Variants in TECPR1 observed in about 807,000 individuals in gnomAD.
The protein encoded by TECPR1 is tectonin beta-propeller repeat-containing protein 1.
TECPR1 carries 122 observed loss-of-function variants against 162.4 expected under a neutral mutation model. The ratio of observed to expected loss-of-function variants is 0.75; its 90% CI spans 0.65 to 0.87. The LOEUF is 0.87. TECPR1 is among the 40% of genes least tolerant of loss of function. The probability of loss-of-function intolerance (pLI) is 0.00; values close to 1 mark genes in which losing one functional copy is unlikely to be tolerated. For missense variants in TECPR1, 1,432 were observed against 1,618.2 expected, an observed-to-expected ratio of 0.88 and a Z score of 1.97; for synonymous variants, 642 against 670.6, an observed-to-expected ratio of 0.96 and a Z score of 0.66.
chr7:98,220,590 G>A (rs1028583864), intron 23 of TECPR1, among the ~76,000 whole-genome samples: 4 of 148,796 alleles, frequency 2.7e-5, no homozygotes, highest in Admixed American at 6.8e-5. Flanking sequence ...ACGGAGTCTC[G>A]CTCTGTCACC....
Position 98,238,605 on chromosome 7 carries a change from C to A in TECPR1, c.939G>T (p.Trp313Cys), listed in dbSNP as rs1798660240. The change falls in exon 9 of 26, where the codon TGG (tryptophan) becomes TGT (cysteine). Residue 313 changes from tryptophan (W) to cysteine (C), a missense_variant. Physicochemically the swap from Trp to Cys is radical, Grantham distance 215. Coordinates refer to ENST00000447648, the MANE Select transcript of TECPR1 (RefSeq NM_015395.3). ...VWAVTKDWKV[W>C]FRRGVNSHNP... ...TGTGAGAGTTGACGCCTCTTCGGAACCACACCTGGGGGAGTCAGAAATAAA... is the reference window on the plus strand; with the variant it reads ...TGTGAGAGTTGACGCCTCTTCGGAAACACACCTGGGGGAGTCAGAAATAAA... The A allele has an allele frequency of 6.4e-7, 1 of 1,564,212 alleles. No individual in the cohort carries two copies. The highest frequency in any genetic ancestry group is 8.7e-7 in the Non-Finnish European group (1 of 1,154,280).
intron 23 of TECPR1, 62 bp from the exon 24 acceptor site, chr7:98,218,104 G>A (rs1798060941): frequency 3.6e-6 from 5 of 1,396,538 alleles, no homozygotes; most frequent in South Asian, 2.6e-5. Context: ...TGCCCGTGCG[G>A]CCCGGCAGCC....
In TECPR1 at chr7:98,232,035, C is replaced by A; in HGVS notation, c.1819-76G>T. On this transcript the variant is annotated intron_variant, in intron 12 of 25. Coordinates refer to ENST00000447648, the MANE Select transcript of TECPR1 (RefSeq NM_015395.3). This position sits in a 1 kb window ranked among gnomAD's most constrained non-coding sequence, Gnocchi z 4.6. ...GGGGAGGAGGGCGGGGCTGGGGGTG[C>A]CCAGAGGAGGAGGCAGGGCTGGGGT... is the stretch of plus-strand genomic sequence containing the variant. 6.7e-7 allele frequency: 1 copy of A among 1,492,228 alleles called. No homozygotes were observed. Among genetic ancestry groups the A allele is most frequent in the Non-Finnish European group, 9.0e-7 (1 of 1,111,912 alleles). 92.4% of individuals were successfully genotyped at this position (1,492,228 alleles called of 1,614,324 possible). A position where few individuals can be genotyped will look rare whatever the true frequency, so the allele number is the denominator to read the frequency against.
chr7:98,242,691 C>CCACT (rs1798783543), intron 6 of TECPR1, among the ~76,000 whole-genome samples: 1 of 140,264 alleles, frequency 7.1e-6, no homozygotes. Flanking sequence ...ACCCACTCAC[C>CCACT]CACTCACCCA....
At chr7:98,220,561 T>C (rs1584321074) in intron 23 of TECPR1, among the ~76,000 whole-genome samples, 1 of 136,990 alleles carries the variant, frequency 7.3e-6, no homozygotes. Flanking sequence ...CTACCACATC[T>C]GGCTTTTTTT....
chr7:98,230,212 C>T (rs1798389509), intron 15 of TECPR1, among the ~76,000 whole-genome samples: 1 of 151,684 alleles, frequency 6.6e-6, no homozygotes, highest in East Asian at 1.9e-4. Context: ...AGCTATGTTG[C>T]CCAGGCTGGT....
intron 17 of TECPR1, 93 bp downstream of exon 17, chr7:98,227,921 G>A: frequency 2.0e-6 from 2 of 978,652 alleles, no homozygotes; most frequent in Non-Finnish European, 3.2e-6. Context: ...GGCTCTACTG[G>A]ACTCCACGCT....
chr7:98,225,212 C>G, intron 17 of TECPR1, 110 bp from the exon 18 acceptor site: 1 of 995,360 alleles, frequency 1.0e-6, no homozygotes, highest in Non-Finnish European at 1.5e-6. Flanking sequence ...GTCTCAGAGC[C>G]AGCCACCTCC....
chr7:98,224,923 G>A (rs1211628397), intron 18 of TECPR1, 43 bp from the exon 19 acceptor site: 1 of 1,549,916 alleles, frequency 6.5e-7, no homozygotes, highest in South Asian at 1.2e-5. Flanking sequence ...CCCGAATCCA[G>A]AAGGCAGTCA....
chr7:98,231,653 C>A, intron 13 of TECPR1, 151 bp downstream of exon 13: 1 of 1,016,624 alleles, frequency 9.8e-7, no homozygotes. Flanking sequence ...TTTCTGTACC[C>A]CTCCCCTGGG....
chr7:98,222,945 CA>C, intron 21 of TECPR1, 44 bp downstream of exon 21: 9 of 1,601,132 alleles, frequency 5.6e-6, no homozygotes, highest in Non-Finnish European at 7.7e-6. Flanking sequence ...GACTCCAGAG[CA>C]AAGGTCTCAT....
At chr7:98,231,583 T>G in intron 13 of TECPR1, 1 of 410,274 alleles carries the variant, frequency 2.4e-6, no homozygotes, top group Middle Eastern at 8.8e-4. Flanking sequence ...GCACCCCCAT[T>G]TCTGTACTCC....
At chr7:98,234,148 T>A (rs955666755) in intron 10 of TECPR1, among the ~76,000 whole-genome samples, 1 of 152,234 alleles carries the variant, frequency 6.6e-6, no homozygotes, top group African/African-American at 2.4e-5. Flanking sequence ...AGTGAAGATC[T>A]AGAATTAGTA....
intron 6 of TECPR1, among the ~76,000 whole-genome samples, chr7:98,242,028 T>C (rs1000189366): frequency 2.0e-5 from 3 of 152,194 alleles, no homozygotes; most frequent in Non-Finnish European, 2.9e-5. Flanking sequence ...TGCATCCAGA[T>C]GGCCATGGCC....
chr7:98,240,189 A>G (rs145647271), intron 8 of TECPR1, among the ~76,000 whole-genome samples: 1 of 152,256 alleles, frequency 6.6e-6, no homozygotes, highest in African/African-American at 2.4e-5. Context: ...ATAAGATGCA[A>G]AAGACAAGCA....
At chr7:98,235,397 T>C (rs578057532) in intron 10 of TECPR1, among the ~76,000 whole-genome samples, 4 of 150,110 alleles carry the variant, frequency 2.7e-5, no homozygotes, top group Non-Finnish European at 4.4e-5. Flanking sequence ...TGGTGGCGGG[T>C]GCCTGTAGTC....
At chr7:98,218,142 C>T (rs911136083) in intron 23 of TECPR1, 100 bp from the exon 24 acceptor site, 9 of 979,784 alleles carry the variant, frequency 9.2e-6, no homozygotes, top group Admixed American at 2.3e-5. Context: ...CTAACCACTT[C>T]GGGGTTTGGG....
chr7:98,234,003 C>T lies in TECPR1; in HGVS notation c.1182-92G>A, dbSNP rs550874234. On this transcript the variant is annotated intron_variant, in intron 10 of 25. Transcript: ENST00000447648. ...GCTCCAGCGTGCTCCACCATGACTGCCTGTGGAAACTTGGGCAAGTCAGAA... is the reference window on the plus strand; with the variant it reads ...GCTCCAGCGTGCTCCACCATGACTGTCTGTGGAAACTTGGGCAAGTCAGAA... 2.3e-5 allele frequency: 33 copies of T among 1,435,938 alleles called. No individual in the cohort carries two copies. The East Asian group carries it at 5.0e-4, about 22-fold the overall frequency. The allele number at this position is 1,435,938 out of a possible 1,614,324, so 88.9% of individuals were successfully genotyped here. A position where few individuals can be genotyped will look rare whatever the true frequency, so the allele number is the denominator to read the frequency against.
rs367726993 is a variant in TECPR1, at chr7:98,217,676, C to T, written c.3384+16G>A. On this transcript the variant is annotated intron_variant, in intron 25 of 25. Coordinates refer to ENST00000447648, the MANE Select transcript of TECPR1 (RefSeq NM_015395.3). ...ACAAGGTGATAACACAGCCCAAGGCCGCGGGCCCCGCTCACCCCGATGCCG... is the reference window on the plus strand; with the variant it reads ...ACAAGGTGATAACACAGCCCAAGGCTGCGGGCCCCGCTCACCCCGATGCCG... 2.7e-5 allele frequency: 41 copies of T among 1,531,486 alleles called. No homozygotes were observed. Among genetic ancestry groups the T allele is most frequent in the East Asian group, 1.5e-4 (6 of 40,570 alleles). The allele number at this position is 1,531,486 out of a possible 1,614,324, so 94.9% of individuals were successfully genotyped here.
Sources: gnomAD v4.1 joint callset for allele counts (sites outside exome capture counted in the v4.1 genomes callset) on GRCh38, gnomAD v4.1.1 for gene constraint, Gnocchi (gnomAD v3.1) non-coding constraint, MANE v1.5 for transcripts, NCBI Gene and HGNC (gene_info 2026-07-23, HGNC 2026-07-21) for gene names.